TMPRSS2: variants seen among roughly 807,000 people sequenced by gnomAD.
The protein encoded by TMPRSS2 is transmembrane serine protease 2.
TMPRSS2 carries 59 observed loss-of-function variants against 67.4 expected under a neutral mutation model. The ratio of observed to expected loss-of-function variants is 0.88; its 90% CI spans 0.71 to 1.09. The LOEUF (loss-of-function observed/expected upper bound fraction) is 1.09, where lower values mean the gene tolerates loss of function less well. TMPRSS2 is among the 50% of genes least tolerant of loss of function. TMPRSS2 has a pLI of 0.00. For missense variants in TMPRSS2, 668 were observed against 642.7 expected, an observed-to-expected ratio of 1.04 and a Z score of -0.43; for synonymous variants, 257 against 257.0, an observed-to-expected ratio of 1.00 and a Z score of 0.00.
At chr21:41,480,977 C>A (rs866828358) in intron 5 of TMPRSS2, among the ~76,000 whole-genome samples, 3 of 152,134 alleles carry the variant, frequency 2.0e-5, no homozygotes, top group Non-Finnish European at 4.4e-5. Context: ...ACCCAAGCCC[C>A]GCGCTCTCCA....
At chr21:41,491,054 C>T (rs1390168647) in intron 3 of TMPRSS2, among the ~76,000 whole-genome samples, 6 of 151,994 alleles carry the variant, frequency 3.9e-5, no homozygotes, top group Non-Finnish European at 7.4e-5. Context: ...CCATCACTCT[C>T]AAACTGTTAC....
chr21:41,507,542 G>A (rs1404475465), intron 1 of TMPRSS2, among the ~76,000 whole-genome samples: 1 of 152,168 alleles, frequency 6.6e-6, no homozygotes, highest in Non-Finnish European at 1.5e-5. Context: ...TATCGTTCCC[G>A]GCATCTCAGC....
chr21:41,471,916 T>G lies in TMPRSS2; in HGVS notation c.965A>C (p.Tyr322Ser), dbSNP rs144046631. ...AGILRQSFMF[Y>S]GAGYQVEKVI... ...TTTTTCTACTTGGTATCCGGCTCCA[T>G]AGAACATGAAAGATTGTCTCAAAAT... is the stretch of plus-strand genomic sequence containing the variant. The change falls in exon 10 of 14, where the codon TAT becomes TCT. Residue 322 changes from tyrosine to serine, a missense_variant. Tyr to Ser is a moderately radical substitution (Grantham distance 144). Coordinates refer to ENST00000332149, the MANE Select transcript of TMPRSS2 (RefSeq NM_005656.4). 1.2e-6 allele frequency: 2 copies of G among 1,613,338 alleles called. No individual in the cohort carries two copies. The highest frequency in any genetic ancestry group is 1.7e-6 in the Non-Finnish European group (2 of 1,179,878).
At position 41,489,408 on chromosome 21, in the gene TMPRSS2, AG is replaced by A. The variant is rs374145011; in HGVS notation, c.325+98del. The A allele has an allele frequency of 1.5e-3, 1,343 of 897,594 alleles. 13 individuals carry two copies. The African/African-American group carries it at 0.02, about 13-fold the overall frequency. 55.6% of individuals were successfully genotyped at this position (897,594 alleles called of 1,614,324 possible). A position where few individuals can be genotyped will look rare whatever the true frequency, so the allele number is the denominator to read the frequency against. ...GTTATGTAAGAGAGGAACCTCACGG[AG>A]GGCCTCCAGAGGTCTCAATAGCCCA... On this transcript the variant is annotated intron_variant, in intron 4 of 13. Transcript: ENST00000332149.
intron 5 of TMPRSS2, among the ~76,000 whole-genome samples, chr21:41,480,905 T>C (rs1204516470): frequency 6.6e-6 from 1 of 152,196 alleles, no homozygotes. Context: ...CCCAAAGTGT[T>C]GGAATTACAG....
At chr21:41,504,564 C>G (rs2146511450) in intron 1 of TMPRSS2, among the ~76,000 whole-genome samples, 1 of 152,328 alleles carries the variant, frequency 6.6e-6, no homozygotes, top group Non-Finnish European at 1.5e-5. Context: ...CAGGCTCTGC[C>G]TCCTCCTGGA....
In TMPRSS2 at chr21:41,494,370, G is replaced by C. The variant is rs61735793; in HGVS notation, c.224C>G (p.Thr75Arg). The C allele has an allele frequency of 6.2e-7, 1 of 1,610,804 alleles. No homozygotes were observed. Residue 75 changes from threonine to arginine, a missense_variant, in exon 3 of 14, where the codon ACA (threonine) becomes AGA (arginine). Transcript: ENST00000332149. ...VCTQPKSPSG[T>R]VCTSKTKKAL... ...GAGAATCCTACTTGAGGTGCACACT[G>C]TCCCGGATGGGGATTTGGGCTGCGT...
chr21:41,491,932 G>C (rs1258933865), intron 3 of TMPRSS2, among the ~76,000 whole-genome samples: 2 of 152,158 alleles, frequency 1.3e-5, no homozygotes, highest in African/African-American at 2.4e-5. Context: ...CATGCACTTT[G>C]GGAGTGGATC....
At chr21:41,492,018 A>G (rs2091341195) in intron 3 of TMPRSS2, among the ~76,000 whole-genome samples, 1 of 152,170 alleles carries the variant, frequency 6.6e-6, no homozygotes, top group Non-Finnish European at 1.5e-5. Context: ...AGCATGGCAA[A>G]ACCCCGTCTC....
chr21:41,476,771 A>G (rs2091217143), intron 7 of TMPRSS2, 151 bp from the exon 8 acceptor site: 2 of 722,616 alleles, frequency 2.8e-6, no homozygotes, highest in Non-Finnish European at 4.8e-6. Flanking sequence ...TAAGGTAAGT[A>G]AATCCATATA....
chr21:41,483,878 T>G (rs1210797197), intron 5 of TMPRSS2, among the ~76,000 whole-genome samples: 1 of 151,762 alleles, frequency 6.6e-6, no homozygotes, highest in African/African-American at 2.4e-5. Context: ...GCCTGTAATC[T>G]CAGCACTTTG....
chr21:41,466,121 CAAG>C lies in TMPRSS2; in HGVS notation c.*18_*20del, dbSNP rs778994601. 5.0e-6 allele frequency: 8 copies of C among 1,613,406 alleles called. No individual in the cohort carries two copies. Among genetic ancestry groups the C allele is most frequent in the Admixed American group, 1.7e-5 (1 of 59,920 alleles). ...CCATTGTTTTCTTGTAAAACGACGT[CAAG>C]GACGAAGACCATGTGGATTAGCCGT... On this transcript the variant is annotated 3_prime_UTR_variant, in exon 14 of 14. Coordinates refer to ENST00000332149, the MANE Select transcript of TMPRSS2 (RefSeq NM_005656.4).
At chr21:41,500,340 C>A (rs1601590998) in intron 1 of TMPRSS2, among the ~76,000 whole-genome samples, 1 of 152,206 alleles carries the variant, frequency 6.6e-6, no homozygotes, top group South Asian at 2.1e-4. Flanking sequence ...AAACATTTAA[C>A]AACCTGCTGA....
intron 6 of TMPRSS2, 40 bp from the exon 7 acceptor site, chr21:41,479,322 T>C: frequency 1.4e-6 from 2 of 1,472,308 alleles, no homozygotes; most frequent in Non-Finnish European, 1.9e-6. Context: ...GGTTAAGGCA[T>C]AAGCAAACAC....
intron 2 of TMPRSS2, among the ~76,000 whole-genome samples, chr21:41,497,213 G>C (rs1032168062): frequency 5.3e-5 from 8 of 152,126 alleles, no homozygotes; most frequent in African/African-American, 1.7e-4. Flanking sequence ...CTGAGCAGAG[G>C]CAGCATAGCT....
At chr21:41,498,013 T>C (rs369215198) in intron 2 of TMPRSS2, 106 bp downstream of exon 2, 4 of 840,962 alleles carry the variant, frequency 4.8e-6, no homozygotes, top group African/African-American at 3.4e-5. Flanking sequence ...GGCCCGGCGT[T>C]CCCTACAAAT....
chr21:41,473,904 A>C (rs1429081583), intron 8 of TMPRSS2, among the ~76,000 whole-genome samples: 1 of 97,030 alleles, frequency 1.0e-5, no homozygotes, highest in African/African-American at 4.3e-5. Flanking sequence ...GGTGAGTGAG[A>C]AGGTGAAGGG....
chr21:41,495,991 G>A (rs1366538472), intron 2 of TMPRSS2, among the ~76,000 whole-genome samples: 2 of 151,826 alleles, frequency 1.3e-5, no homozygotes, highest in Non-Finnish European at 2.9e-5. Flanking sequence ...GTAGAGGTTT[G>A]GAGTTAGAAT....
chr21:41,476,579 A>G lies in TMPRSS2; in HGVS notation c.725T>C (p.Ile242Thr), dbSNP rs181414852. 13 of 1,613,440 alleles carry G rather than the reference A, an allele frequency of 8.1e-6. No homozygotes were observed. The Admixed American group carries it at 1.7e-4, about 21-fold the overall frequency. ...SSKAVVSLRC[I>T]ACGVNLNSSR... ...AGGGGGACTCCAGATGAACTTACCTATACAGCGTAAAGAAACCACTGCTTT... is the reference window on the plus strand; with the variant it reads ...AGGGGGACTCCAGATGAACTTACCTGTACAGCGTAAAGAAACCACTGCTTT... The change falls in exon 8 of 14, where the codon ATA (isoleucine) becomes ACA (threonine). Residue 242 changes from isoleucine (I) to threonine (T), a missense_variant and splice_region_variant. Ile to Thr is a moderately conservative substitution (Grantham distance 89, BLOSUM62 -1). Coordinates refer to ENST00000332149, the MANE Select transcript of TMPRSS2 (RefSeq NM_005656.4).
Sources: allele counts gnomAD v4.1 joint callset (sites outside exome capture counted in the v4.1 genomes callset), GRCh38; gene constraint gnomAD v4.1.1; transcripts MANE v1.5; gene names NCBI Gene and HGNC (gene_info 2026-07-23, HGNC 2026-07-21).